Variants in NCAM2 observed in about 807,000 individuals in gnomAD.
The protein encoded by NCAM2 is N-CAM-2.
Under a neutral mutation model 98.1 loss-of-function variants are expected in NCAM2, and 30 were observed. That is an observed-to-expected ratio of 0.31 (90% CI 0.23 to 0.41). NCAM2 has a LOEUF of 0.41. NCAM2 is among the 10% of genes least tolerant of loss of function. The pLI is 1.00. For missense variants in NCAM2, 867 were observed against 1,005.8 expected, an observed-to-expected ratio of 0.86 and a Z score of 1.87; for synonymous variants, 368 against 342.4, an observed-to-expected ratio of 1.07 and a Z score of -0.83.
intron 1 of NCAM2, among the ~76,000 whole-genome samples, chr21:21,073,399 T>A (rs1269372413): frequency 1.3e-5 from 2 of 152,336 alleles, no homozygotes; most frequent in African/African-American, 2.4e-5. Flanking sequence ...AAGATACAGA[T>A]CACAATATTT....
At chr21:21,403,112 T>TC (rs2076667563) in intron 9 of NCAM2, among the ~76,000 whole-genome samples, 1 of 152,176 alleles carries the variant, frequency 6.6e-6, no homozygotes, top group South Asian at 2.1e-4. Flanking sequence ...TTGGGCTAAT[T>TC]CAGTTCCTTT....
chr21:21,118,805 G>A (rs1053327730), intron 1 of NCAM2, among the ~76,000 whole-genome samples: 1 of 151,578 alleles, frequency 6.6e-6, no homozygotes, highest in Non-Finnish European at 1.5e-5. Flanking sequence ...CCCTTACTTG[G>A]CCCCAACACA....
At chr21:21,472,948 GTA>G (rs976891070) in intron 14 of NCAM2, among the ~76,000 whole-genome samples, 1 of 146,406 alleles carries the variant, frequency 6.8e-6, no homozygotes, top group African/African-American at 2.6e-5. Flanking sequence ...TCTTCCAAAT[GTA>G]TATATATACA....
chr21:21,480,112 A>AT lies in NCAM2; in HGVS notation c.2077+2642dup, dbSNP rs1410574940. Among the ~76,000 whole-genome samples the AT allele has an allele frequency of 2.0e-5, 3 of 152,054 alleles. No homozygotes were observed. In the East Asian group the frequency reaches 5.8e-4, roughly 29 times the overall value. On this transcript the variant is annotated intron_variant, in intron 15 of 17. Coordinates refer to ENST00000400546, the MANE Select transcript of NCAM2 (RefSeq NM_004540.5). Reference sequence around the variant, plus strand: ...CCGGGCGCGGTGGCTCACGCCAGCAATCCCAGCACTTTGGGAGGCCGAGGC... The same window carrying AT: ...CCGGGCGCGGTGGCTCACGCCAGCAATTCCCAGCACTTTGGGAGGCCGAGGC...
intron 8 of NCAM2, among the ~76,000 whole-genome samples, chr21:21,351,460 T>C (rs2075338102): frequency 6.6e-6 from 1 of 152,152 alleles, no homozygotes; most frequent in Non-Finnish European, 1.5e-5. Flanking sequence ...TTTAAATGTA[T>C]ATAATAAAGC....
At chr21:21,191,175 A>C (rs1435650126) in intron 1 of NCAM2, among the ~76,000 whole-genome samples, 3 of 152,196 alleles carry the variant, frequency 2.0e-5, no homozygotes, top group Non-Finnish European at 4.4e-5. Context: ...ATTTGGGAGA[A>C]ATATACAGAA....
chr21:21,302,398 T>G (rs2073746322), intron 5 of NCAM2, among the ~76,000 whole-genome samples: 1 of 152,144 alleles, frequency 6.6e-6, no homozygotes, highest in Admixed American at 6.6e-5. Flanking sequence ...CTTGTTTTTT[T>G]GGCCTTGTTG....
At chr21:21,480,956 A>T (rs1021894921) in intron 15 of NCAM2, among the ~76,000 whole-genome samples, 5 of 152,208 alleles carry the variant, frequency 3.3e-5, no homozygotes, top group African/African-American at 9.6e-5. Flanking sequence ...TCCATTTAGT[A>T]TTTGTTAAAT....
At chr21:21,291,558 C>T (rs1253361231) in intron 4 of NCAM2, among the ~76,000 whole-genome samples, 1 of 151,670 alleles carries the variant, frequency 6.6e-6, no homozygotes, top group African/African-American at 2.4e-5. Flanking sequence ...TACAGATTAT[C>T]TTATTAGCCA....
chr21:21,182,809 T>C (rs2826723), intron 1 of NCAM2, among the ~76,000 whole-genome samples: 70,873 of 151,960 alleles, frequency 0.47, 17,214 homozygotes, highest in South Asian at 0.61. Flanking sequence ...CAACTTGACA[T>C]GTTGGGCAGC....
chr21:21,155,126 C>A (rs2067573488), intron 1 of NCAM2, among the ~76,000 whole-genome samples: 1 of 151,234 alleles, frequency 6.6e-6, no homozygotes, highest in Non-Finnish European at 1.5e-5. Context: ...ACCAAAATAA[C>A]AGACAGAGAA....
chr21:21,265,337 T>C (rs1178513043), intron 1 of NCAM2, among the ~76,000 whole-genome samples: 1 of 129,700 alleles, frequency 7.7e-6, no homozygotes, highest in African/African-American at 2.8e-5. Context: ...ATATAATATA[T>C]ATGTGTATGT....
chr21:21,371,516 A>G (rs2075914114), intron 8 of NCAM2, among the ~76,000 whole-genome samples: 1 of 151,764 alleles, frequency 6.6e-6, no homozygotes, highest in Non-Finnish European at 1.5e-5. Context: ...CAGGAGAACC[A>G]CATGACCCCA....
At chr21:21,338,145 TG>T (rs1448760027) in intron 7 of NCAM2, among the ~76,000 whole-genome samples, 8 of 152,296 alleles carry the variant, frequency 5.3e-5, no homozygotes, top group African/African-American at 1.9e-4. Context: ...ATTTGGATGT[TG>T]GTTTCTAAGT....
chr21:21,530,318 TTAA>T (rs1276407552), intron 16 of NCAM2, among the ~76,000 whole-genome samples: 1 of 22,498 alleles, frequency 4.4e-5, no homozygotes, highest in African/African-American at 2.2e-4. Context: ...TTATATATAA[TTAA>T]ATTAAATTAA....
chr21:21,135,637 T>G (rs895457450), intron 1 of NCAM2, among the ~76,000 whole-genome samples: 3 of 152,200 alleles, frequency 2.0e-5, no homozygotes, highest in Non-Finnish European at 2.9e-5. Context: ...TGACAGTCCT[T>G]GGAATGCTTG....
intron 15 of NCAM2, 89 bp from the exon 16 acceptor site, chr21:21,508,762 A>G (rs1988149888): frequency 1.1e-6 from 1 of 921,830 alleles, no homozygotes; most frequent in African/African-American, 1.7e-5. Context: ...TATTTTTAAA[A>G]TAATCATCTA....
At chr21:21,239,927 C>G (rs961627246) in intron 1 of NCAM2, among the ~76,000 whole-genome samples, 1 of 152,056 alleles carries the variant, frequency 6.6e-6, no homozygotes, top group Non-Finnish European at 1.5e-5. Flanking sequence ...CCAAAGGATA[C>G]TTGGCTCAGG....
chr21:21,132,982 A>G (rs2826673), intron 1 of NCAM2, among the ~76,000 whole-genome samples: 65,236 of 151,656 alleles, frequency 0.43, 14,595 homozygotes, highest in African/African-American at 0.56. Context: ...CTTAAACAAT[A>G]TAATCATACG....
Sources: gnomAD v4.1 joint callset for allele counts (sites outside exome capture counted in the v4.1 genomes callset) on GRCh38, gnomAD v4.1.1 for gene constraint, MANE v1.5 for transcripts, NCBI Gene and HGNC (gene_info 2026-07-23, HGNC 2026-07-21) for gene names.